The following EGFLAM variants were observed in gnomAD, a reference collection of about 807,000 sequenced individuals.
EGFLAM encodes pikachurin.
EGFLAM carries 79 observed loss-of-function variants against 113.1 expected under a neutral mutation model. That is an observed-to-expected ratio of 0.70 (90% CI 0.58 to 0.84). EGFLAM has a LOEUF of 0.84. Among genes scored for constraint, EGFLAM ranks in the 40% least tolerant of loss-of-function variants. The pLI is 0.00. For synonymous variants in EGFLAM, 504 were observed against 487.6 expected, an observed-to-expected ratio of 1.03 and a Z score of -0.44; for missense variants, 1,265 against 1,291.6, an observed-to-expected ratio of 0.98 and a Z score of 0.32.
intron 16 of EGFLAM, among the ~76,000 whole-genome samples, chr5:38,436,697 A>G: frequency 6.6e-6 from 1 of 152,160 alleles, no homozygotes; most frequent in East Asian, 1.9e-4. Flanking sequence ...ATCTCCTGCT[A>G]GAAAGACCAC....
intron 1 of EGFLAM, among the ~76,000 whole-genome samples, chr5:38,278,214 T>C (rs1189403066): frequency 6.6e-6 from 1 of 152,060 alleles, no homozygotes; most frequent in Non-Finnish European, 1.5e-5. Flanking sequence ...TGGAACAGAA[T>C]AGAGAGTCCA....
chr5:38,334,026 C>A lies in EGFLAM; in HGVS notation c.98-3494C>A, dbSNP rs142171219. Among the ~76,000 whole-genome samples, 1,187 of 142,382 alleles carry A rather than the reference C, an allele frequency of 8.3e-3. 5 individuals carry two copies. The highest frequency in any genetic ancestry group is 0.017 in the Middle Eastern group (4 of 236). 93.4% of individuals were successfully genotyped at this position (142,382 alleles called of 152,430 possible). ...GCAACCTCCGCCTCCTGGGTTCAAG[C>A]GATTCTCCTGCTTCAGCCTCCCAAG... On this transcript the variant is annotated intron_variant, in intron 1 of 21. Transcript: ENST00000322350.
chr5:38,426,883 T>A lies in EGFLAM; in HGVS notation c.1811-126T>A, dbSNP rs140462001. Reference sequence around the variant, plus strand: ...CCAGAATTCAGTCACACCACCAACCTAACTGCAGGGCTGCTGGGAATTGTA... The same window carrying A: ...CCAGAATTCAGTCACACCACCAACCAAACTGCAGGGCTGCTGGGAATTGTA... On this transcript the variant is annotated intron_variant, in intron 13 of 21. Coordinates refer to ENST00000322350, the MANE Select transcript of EGFLAM (RefSeq NM_152403.4). The A allele has an allele frequency of 1.1e-4, 157 of 1,408,956 alleles. No individual in the cohort carries two copies. The African/African-American group carries it at 2.1e-3, about 19-fold the overall frequency. The allele number at this position is 1,408,956 out of a possible 1,614,324, so 87.3% of individuals were successfully genotyped here. A position where few individuals can be genotyped will look rare whatever the true frequency, so the allele number is the denominator to read the frequency against.
chr5:38,412,388 C>A, intron 10 of EGFLAM, 116 bp from the exon 11 acceptor site: 1 of 1,490,278 alleles, frequency 6.7e-7, no homozygotes, highest in Non-Finnish European at 9.3e-7. Flanking sequence ...ATAAACATGA[C>A]TCTGAACAGA....
chr5:38,344,388 A>G (rs2111966367), intron 3 of EGFLAM, among the ~76,000 whole-genome samples: 1 of 151,836 alleles, frequency 6.6e-6, no homozygotes. Context: ...CAGGAGGCTG[A>G]GGCAAGAGAA....
In EGFLAM at chr5:38,380,841, C is replaced by A. The variant is rs1339536190; in HGVS notation, c.712+10379C>A. 4.6e-5 allele frequency among the ~76,000 whole-genome samples: 7 copies of A among 152,146 alleles called. No individual in the cohort carries two copies. In the East Asian group the frequency reaches 1.2e-3, roughly 25 times the overall value. ...GAGGCCTTTGTGCATCTTACATTAT[C>A]ATACATTTACTAATAATCAGGACAC... On this transcript the variant is annotated intron_variant, in intron 6 of 21. Transcript: ENST00000322350.
intron 1 of EGFLAM, among the ~76,000 whole-genome samples, chr5:38,275,509 C>G (rs1757864424): frequency 2.6e-5 from 4 of 152,136 alleles, no homozygotes. Flanking sequence ...GTCAGTTCAG[C>G]AAGCGGATAT....
At chr5:38,267,027 T>C (rs1317669884) in intron 1 of EGFLAM, among the ~76,000 whole-genome samples, 2 of 152,196 alleles carry the variant, frequency 1.3e-5, no homozygotes, top group East Asian at 3.9e-4. Flanking sequence ...GCTGAAGTGC[T>C]ACCTAAGGAG....
chr5:38,445,738 C>T (rs920600497), intron 17 of EGFLAM: 2 of 1,595,084 alleles, frequency 1.3e-6, no homozygotes, highest in African/African-American at 1.3e-5. Flanking sequence ...ACTGCGAGAG[C>T]GCTCTGGGCT....
At chr5:38,296,734 T>C (rs1186508558) in intron 1 of EGFLAM, among the ~76,000 whole-genome samples, 1 of 151,526 alleles carries the variant, frequency 6.6e-6, no homozygotes, top group Non-Finnish European at 1.5e-5. Flanking sequence ...TACATATGTA[T>C]GTAATTTTGT....
intron 3 of EGFLAM, among the ~76,000 whole-genome samples, chr5:38,343,240 C>G (rs1161802144): frequency 6.6e-6 from 1 of 152,006 alleles, no homozygotes; most frequent in Non-Finnish European, 1.5e-5. Context: ...CCCATCTCTA[C>G]TAAAACTACA....
At chr5:38,295,673 T>C (rs1238496043) in intron 1 of EGFLAM, among the ~76,000 whole-genome samples, 1 of 152,172 alleles carries the variant, frequency 6.6e-6, no homozygotes, top group Non-Finnish European at 1.5e-5. Flanking sequence ...TCCCCTATCC[T>C]CAAAATGTAA....
chr5:38,357,967 A>ATT (rs70978882), intron 5 of EGFLAM, among the ~76,000 whole-genome samples: 1,922 of 119,384 alleles, frequency 0.016, 66 homozygotes, highest in African/African-American at 0.053. Flanking sequence ...GGTTAAGTGA[A>ATT]TTTTTTTTTT....
intron 6 of EGFLAM, among the ~76,000 whole-genome samples, 185 bp downstream of exon 6, chr5:38,370,647 TC>T (rs1266539468): frequency 6.6e-6 from 1 of 152,226 alleles, no homozygotes; most frequent in African/African-American, 2.4e-5. Flanking sequence ...ACGGGCTGTT[TC>T]TATGTCCTGG....
At chr5:38,265,946 A>G (rs952565584) in intron 1 of EGFLAM, among the ~76,000 whole-genome samples, 5 of 152,202 alleles carry the variant, frequency 3.3e-5, no homozygotes, top group Non-Finnish European at 7.3e-5. Flanking sequence ...ACCTCGACCC[A>G]GGTACTCTGT....
At chr5:38,333,863 G>T (rs1042516167) in intron 1 of EGFLAM, among the ~76,000 whole-genome samples, 3 of 143,316 alleles carry the variant, frequency 2.1e-5, no homozygotes, top group African/African-American at 7.9e-5. Flanking sequence ...TCTTTGTCAT[G>T]AAATCTTTTG....
intron 1 of EGFLAM, among the ~76,000 whole-genome samples, chr5:38,315,579 C>T (rs927192154): frequency 1.3e-5 from 2 of 152,170 alleles, no homozygotes; most frequent in African/African-American, 2.4e-5. Flanking sequence ...AAATTAGAAG[C>T]TTGAGAGGAA....
intron 1 of EGFLAM, among the ~76,000 whole-genome samples, chr5:38,271,083 T>C (rs746266417): frequency 4.6e-5 from 7 of 152,170 alleles, no homozygotes; most frequent in African/African-American, 7.2e-5. Context: ...TTGATATTGA[T>C]GAAAGAGTTG....
chr5:38,343,174 C>T (rs888590093), intron 3 of EGFLAM, among the ~76,000 whole-genome samples: 5 of 151,934 alleles, frequency 3.3e-5, no homozygotes, highest in Admixed American at 6.6e-5. Flanking sequence ...GAGGCTGAGG[C>T]GGGTGGATCA....
Sources: gnomAD v4.1 joint callset for allele counts (sites outside exome capture counted in the v4.1 genomes callset) on GRCh38, gnomAD v4.1.1 for gene constraint, MANE v1.5 for transcripts, NCBI Gene and HGNC (gene_info 2026-07-23, HGNC 2026-07-21) for gene names.